ATP2C1: variants seen among roughly 807,000 people sequenced by gnomAD.
ATP2C1 encodes the protein ATPase secretory pathway Ca2+ transporting 1.
ATP2C1 carries 31 observed loss-of-function variants against 120.5 expected under a neutral mutation model. The observed-to-expected ratio is 0.26, with a 90% confidence interval of 0.19 to 0.35. The LOEUF (loss-of-function observed/expected upper bound fraction) is 0.35. Ranked by LOEUF, ATP2C1 falls within the 10% of genes least tolerant of loss-of-function variation. The probability of loss-of-function intolerance (pLI) is 1.00; values close to 1 mark genes in which losing one functional copy is unlikely to be tolerated. For missense variants in ATP2C1, 731 were observed against 1,107.5 expected, an observed-to-expected ratio of 0.66 and a Z score of 4.83; for synonymous variants, 351 against 358.7, an observed-to-expected ratio of 0.98 and a Z score of 0.24.
chr3:130,972,019 G>A (rs1233338489), intron 17 of ATP2C1, among the ~76,000 whole-genome samples: 3 of 152,114 alleles, frequency 2.0e-5, no homozygotes, highest in African/African-American at 7.2e-5. Flanking sequence ...AGCCTTTTTG[G>A]CACCAGGGAC....
chr3:130,939,087 C>T (rs1273768602), intron 6 of ATP2C1, among the ~76,000 whole-genome samples: 3 of 152,200 alleles, frequency 2.0e-5, no homozygotes, highest in African/African-American at 4.8e-5. Context: ...TTCTTACACA[C>T]ATGTGACCCA....
At chr3:130,949,520 G>C (rs2060281721) in intron 8 of ATP2C1, among the ~76,000 whole-genome samples, 1 of 152,144 alleles carries the variant, frequency 6.6e-6, no homozygotes, top group Non-Finnish European at 1.5e-5. Flanking sequence ...AGATGAAGCA[G>C]CAGATGTTGA....
downstream of ATP2C1, among the ~76,000 whole-genome samples, chr3:131,007,518 T>C (rs2063160917): frequency 6.6e-6 from 1 of 152,222 alleles, no homozygotes; most frequent in South Asian, 2.1e-4. Context: ...CCACATCTCA[T>C]TGTTATGAGC....
chr3:130,918,563 A>T (rs1576707939), intron 2 of ATP2C1: 1 of 739,938 alleles, frequency 1.4e-6, no homozygotes, highest in East Asian at 2.6e-5. Flanking sequence ...CATGTTAAGT[A>T]TGCCAGCGCC....
At chr3:130,878,177 T>C (rs1411942524) in intron 1 of ATP2C1, among the ~76,000 whole-genome samples, 2 of 148,770 alleles carry the variant, frequency 1.3e-5, no homozygotes, top group Non-Finnish European at 3.0e-5. Context: ...TTAGGAGATA[T>C]ACTTAATGTA....
chr3:130,875,915 G>T (rs1179935535), intron 1 of ATP2C1, among the ~76,000 whole-genome samples: 10 of 150,450 alleles, frequency 6.6e-5, no homozygotes, highest in Non-Finnish European at 1.2e-4. Flanking sequence ...TTGGCCATTT[G>T]CTTTGAGAAG....
chr3:130,941,252 G>GTGTATGTC (rs1553764220), intron 7 of ATP2C1, among the ~76,000 whole-genome samples: 2 of 144,274 alleles, frequency 1.4e-5, no homozygotes, highest in African/African-American at 5.6e-5. Context: ...GTGTGTGTGT[G>GTGTATGTC]TGTGTGTGTG....
chr3:130,851,668 A>C (rs868761913), intron 1 of ATP2C1, among the ~76,000 whole-genome samples: 3 of 152,256 alleles, frequency 2.0e-5, no homozygotes, highest in Non-Finnish European at 4.4e-5. Flanking sequence ...GAATTTTACC[A>C]AATTGTTAGA....
intron 1 of ATP2C1, chr3:130,850,964 G>T (rs1333167795): frequency 7.8e-6 from 9 of 1,147,570 alleles, no homozygotes; most frequent in Non-Finnish European, 1.0e-5. Flanking sequence ...AAAATGAACG[G>T]GTGCTTGTTC....
intron 2 of ATP2C1, among the ~76,000 whole-genome samples, chr3:130,898,623 A>C (rs2669869): frequency 0.16 from 24,981 of 152,186 alleles, 2,223 homozygotes; most frequent in Middle Eastern, 0.25. Context: ...GATGCTGTAG[A>C]GAGTACTTGT....
intron 1 of ATP2C1, among the ~76,000 whole-genome samples, chr3:130,886,429 C>T (rs2068973421): frequency 6.6e-6 from 1 of 152,134 alleles, no homozygotes; most frequent in African/African-American, 2.4e-5. Flanking sequence ...AACTTTCCAT[C>T]CCCATCTTTT....
At chr3:130,938,898 C>T (rs1173982012) in intron 6 of ATP2C1, among the ~76,000 whole-genome samples, 3 of 152,158 alleles carry the variant, frequency 2.0e-5, no homozygotes, top group Admixed American at 1.3e-4. Context: ...TCAAAAAACA[C>T]CACAAAATTG....
chr3:130,939,020 A>G (rs1423572252), intron 6 of ATP2C1, among the ~76,000 whole-genome samples: 1 of 152,206 alleles, frequency 6.6e-6, no homozygotes, highest in Non-Finnish European at 1.5e-5. Context: ...TTTGATAGAA[A>G]TCTCACAAAA....
At chr3:130,868,152 C>T (rs1397225982) in intron 1 of ATP2C1, 3 of 152,088 alleles carry the variant, frequency 2.0e-5, no homozygotes, top group Admixed American at 1.3e-4. Context: ...GGCCAGCCGC[C>T]CCGGCCGGGA....
At chr3:130,862,392 C>A (rs977225517) in intron 1 of ATP2C1, among the ~76,000 whole-genome samples, 1 of 150,744 alleles carries the variant, frequency 6.6e-6, no homozygotes, top group African/African-American at 2.4e-5. Flanking sequence ...TGTTGGCCAG[C>A]GTGGTCCCGA....
At chr3:130,932,404 A>G (rs16835381) in intron 4 of ATP2C1, among the ~76,000 whole-genome samples, 2,028 of 152,236 alleles carry the variant, frequency 0.013, 41 homozygotes, top group African/African-American at 0.047. Context: ...GCTGATATCA[A>G]ACCTACACTA....
At chr3:131,014,305 G>A in intron 26 of ATP2C1, 1 of 1,613,988 alleles carries the variant, frequency 6.2e-7, no homozygotes, top group Non-Finnish European at 8.5e-7. Flanking sequence ...TTAGCCTCAG[G>A]ACATATGCTC....
chr3:130,866,185 T>C (rs553130359), intron 1 of ATP2C1, among the ~76,000 whole-genome samples: 4 of 148,248 alleles, frequency 2.7e-5, no homozygotes, highest in East Asian at 4.0e-4. Flanking sequence ...ATAAAGCAAA[T>C]TATAGAAGTA....
intron 1 of ATP2C1, among the ~76,000 whole-genome samples, chr3:130,854,501 G>A (rs2067773915): frequency 6.6e-6 from 1 of 152,210 alleles, no homozygotes; most frequent in African/African-American, 2.4e-5. Flanking sequence ...GAATGAGTGA[G>A]ACTTGCAGGC....
Sources: allele counts gnomAD v4.1 joint callset (sites outside exome capture counted in the v4.1 genomes callset), GRCh38; gene constraint gnomAD v4.1.1; transcripts MANE v1.5; gene names NCBI Gene and HGNC (gene_info 2026-07-23, HGNC 2026-07-21).